Variants in MAP4K5 observed in about 807,000 individuals in gnomAD.
MAP4K5 encodes the protein MAPK/ERK kinase kinase kinase 5.
A neutral mutation model predicts 135.6 loss-of-function variants in MAP4K5; 82 were observed. The ratio of observed to expected loss-of-function variants is 0.60; its 90% CI spans 0.51 to 0.73. The LOEUF (loss-of-function observed/expected upper bound fraction) is 0.73, where lower values mean the gene tolerates loss of function less well. Ranked by LOEUF, MAP4K5 falls within the 30% of genes least tolerant of loss-of-function variation. The pLI is 0.00. For missense variants in MAP4K5, 907 were observed against 1,010.9 expected (o/e 0.90, Z 1.39); for synonymous variants, 347 against 335.0 (o/e 1.04, Z -0.39).
intron 6 of MAP4K5, 106 bp from the exon 7 acceptor site, chr14:50,476,412 T>A (rs1001823683): frequency 1.9e-6 from 1 of 534,434 alleles, no homozygotes; most frequent in Non-Finnish European, 3.2e-6. Flanking sequence ...TAGAATGTCT[T>A]TTTTGGGGAG....
At chr14:50,513,694 C>G (rs962399767) in intron 2 of MAP4K5, among the ~76,000 whole-genome samples, 2 of 152,164 alleles carry the variant, frequency 1.3e-5, no homozygotes, top group Non-Finnish European at 2.9e-5. Context: ...CTGTTCTTCA[C>G]ATTGGGTCTC....
intron 2 of MAP4K5, among the ~76,000 whole-genome samples, chr14:50,517,379 T>C (rs1193300293): frequency 6.6e-6 from 1 of 151,922 alleles, no homozygotes; most frequent in Non-Finnish European, 1.5e-5. Context: ...CTCGAACTCC[T>C]GACCTCAGGT....
chr14:50,462,686 T>C lies in MAP4K5; in HGVS notation c.915A>G (p.Glu305=), dbSNP rs2036737792. 1.9e-6 allele frequency: 3 copies of C among 1,604,288 alleles called. No homozygotes were observed. Among genetic ancestry groups the C allele is most frequent in the Non-Finnish European group, 2.5e-6 (3 of 1,176,512 alleles). ...TTACCTCAAAGTCATCGTCATCTGC[T>C]TCAGTGTAATGTGCGTGGTTATCTG... ...NNPDNHAHYT[E]ADDDDFEPHA... Residue 305 remains glutamate, a synonymous_variant, in exon 13 of 33, where the codon GAA becomes GAG. Coordinates refer to ENST00000682126, the MANE Select transcript of MAP4K5 (RefSeq NM_006575.6).
In MAP4K5 at chr14:50,438,069, C is replaced by T. The variant is rs544137016; in HGVS notation, c.1708+23G>A. 1.2e-4 allele frequency: 119 copies of T among 982,936 alleles called. 1 individual carries two copies. Among genetic ancestry groups the T allele is most frequent in the Middle Eastern group, 7.7e-4 (3 of 3,880 alleles). 60.9% of individuals were successfully genotyped at this position (982,936 alleles called of 1,614,324 possible). ...ATTTACAGCAGAGAAATACAATTTT[C>T]GAGAAAAAGAAAACGTAATTACCTT... On this transcript the variant is annotated intron_variant, in intron 24 of 32. Transcript: ENST00000682126.
chr14:50,456,071 A>C (rs2139778183), intron 14 of MAP4K5, among the ~76,000 whole-genome samples: 1 of 152,270 alleles, frequency 6.6e-6, no homozygotes, highest in South Asian at 2.1e-4. Context: ...CAATTAATGA[A>C]ACAGAATGCA....
At chr14:50,500,448 A>G (rs1388588249) in intron 3 of MAP4K5, among the ~76,000 whole-genome samples, 1 of 152,228 alleles carries the variant, frequency 6.6e-6, no homozygotes, top group African/African-American at 2.4e-5. Context: ...CTGTTTAAAT[A>G]AAAAGAAAAC....
intron 3 of MAP4K5, among the ~76,000 whole-genome samples, chr14:50,488,351 A>G (rs1436086192): frequency 6.6e-6 from 1 of 152,226 alleles, no homozygotes; most frequent in Non-Finnish European, 1.5e-5. Context: ...TTACAATTCA[A>G]GATGAGATTT....
At chr14:50,471,720 T>C (rs1033399752) in intron 9 of MAP4K5, 8 of 152,166 alleles carry the variant, frequency 5.3e-5, no homozygotes, top group African/African-American at 1.9e-4. Context: ...AAAGGGCTCA[T>C]ACTGGTGAAA....
intron 5 of MAP4K5, among the ~76,000 whole-genome samples, chr14:50,484,166 A>G (rs2037314660): frequency 6.6e-6 from 1 of 152,174 alleles, no homozygotes; most frequent in African/African-American, 2.4e-5. Context: ...AAAAAAATTA[A>G]ATCCAGTGGC....
chr14:50,423,552 A>G (rs931636294), intron 31 of MAP4K5, among the ~76,000 whole-genome samples: 1 of 152,054 alleles, frequency 6.6e-6, no homozygotes, highest in African/African-American at 2.4e-5. Flanking sequence ...CCAAGGCTTG[A>G]GGTCAGGAGT....
Position 50,440,038 on chromosome 14 carries a change from G to A in MAP4K5, c.1680C>T (p.Ile560=). ...CTGATAATGACATTAAAGTATTATTGATAACATACAGCCAAGTACACTTCC... is the reference window on the plus strand; with the variant it reads ...CTGATAATGACATTAAAGTATTATTAATAACATACAGCCAAGTACACTTCC... ...FPRKCTWLYV[I]NNTLMSLSEG... is the part of the protein sequence containing the mutation. The change falls in exon 23 of 33, where the codon ATC becomes ATT. Residue 560 remains isoleucine (I), a synonymous_variant. Coordinates refer to ENST00000682126, the MANE Select transcript of MAP4K5 (RefSeq NM_006575.6). 6.4e-7 allele frequency: 1 copy of A among 1,550,852 alleles called. No individual in the cohort carries two copies. The highest frequency in any genetic ancestry group is 8.8e-7 in the Non-Finnish European group (1 of 1,135,870).
At chr14:50,460,650 A>C (rs531202568) in intron 13 of MAP4K5, among the ~76,000 whole-genome samples, 2 of 152,350 alleles carry the variant, frequency 1.3e-5, no homozygotes, top group East Asian at 3.9e-4. Context: ...TTCCACTTCA[A>C]GTTCATTTAA....
chr14:50,444,877 A>G (rs2036307190), intron 18 of MAP4K5, among the ~76,000 whole-genome samples, 164 bp downstream of exon 18: 1 of 152,226 alleles, frequency 6.6e-6, no homozygotes, highest in Non-Finnish European at 1.5e-5. Flanking sequence ...AGAATTAAAG[A>G]GCCTTTACAA....
intron 14 of MAP4K5, among the ~76,000 whole-genome samples, chr14:50,454,502 CT>C (rs2036558070): frequency 6.6e-6 from 1 of 152,044 alleles, no homozygotes; most frequent in African/African-American, 2.4e-5. Context: ...AGTATAAAAT[CT>C]ATCAAACCAA....
At chr14:50,533,860 G>A (rs1357053064), upstream of MAP4K5, among the ~76,000 whole-genome samples, 1 of 152,152 alleles carries the variant, frequency 6.6e-6, no homozygotes, top group Non-Finnish European at 1.5e-5. Context: ...CACCTTAACA[G>A]GACAGGGCAT....
At chr14:50,556,575 C>G (rs1311835518) in intron 1 of MAP4K5, among the ~76,000 whole-genome samples, 2 of 152,138 alleles carry the variant, frequency 1.3e-5, no homozygotes, top group African/African-American at 2.4e-5. Flanking sequence ...ATGATGAATT[C>G]TAAAACATTT....
At chr14:50,522,799 T>C (rs1212659521) in intron 2 of MAP4K5, among the ~76,000 whole-genome samples, 1 of 152,218 alleles carries the variant, frequency 6.6e-6, no homozygotes, top group Non-Finnish European at 1.5e-5. Context: ...AAGTAGGTGA[T>C]GTTTTGATAT....
At chr14:50,543,031 A>G (rs1372831183) in intron 1 of MAP4K5, among the ~76,000 whole-genome samples, 4 of 152,230 alleles carry the variant, frequency 2.6e-5, no homozygotes, top group African/African-American at 9.6e-5. Context: ...GAATGTGAAA[A>G]TAACTGTGAA....
intron 28 of MAP4K5, among the ~76,000 whole-genome samples, chr14:50,430,195 C>T (rs917370298): frequency 2.6e-5 from 4 of 152,122 alleles, no homozygotes; most frequent in African/African-American, 9.7e-5. Context: ...ACCTGAGTTG[C>T]TCCATTAGAA....
Sources: allele counts gnomAD v4.1 joint callset (sites outside exome capture counted in the v4.1 genomes callset), GRCh38; gene constraint gnomAD v4.1.1; transcripts MANE v1.5; gene names NCBI Gene and HGNC (gene_info 2026-07-23, HGNC 2026-07-21).